Variants in PCDHGA8 observed in about 807,000 individuals in gnomAD.
The protein encoded by PCDHGA8 is protocadherin gamma-A8.
In PCDHGA8, 45 loss-of-function variants were observed where a neutral mutation model predicts 59.2. That is an observed-to-expected ratio of 0.76 (90% CI 0.60 to 0.98). The LOEUF is 0.98. PCDHGA8 is among the 50% of genes least tolerant of loss of function. The pLI is 0.00. For missense variants in PCDHGA8, 1,257 were observed against 1,196.2 expected (o/e 1.05, Z -0.75); for synonymous variants, 531 against 519.0 (o/e 1.02, Z -0.32).
chr5:141,490,098 T>C lies in PCDHGA8; in HGVS notation c.2425-4709T>C, dbSNP rs774132407. On this transcript the variant is annotated intron_variant, in intron 1 of 3. Transcript: ENST00000398604. The surrounding 1 kb of genome is among the most constrained non-coding windows in gnomAD (Gnocchi z 5.4). ...ACTATTCTTTTGGAGACCACACATCTGAGGCAGTGCGGAACCTCTTTGGCC... is the reference window on the plus strand; with the variant it reads ...ACTATTCTTTTGGAGACCACACATCCGAGGCAGTGCGGAACCTCTTTGGCC... The C allele has an allele frequency of 6.2e-7, 1 of 1,614,260 alleles. No homozygotes were observed. The highest frequency in any genetic ancestry group is 8.5e-7 in the Non-Finnish European group (1 of 1,180,038).
At chr5:141,483,076 C>A (rs964178941) in intron 1 of PCDHGA8, among the ~76,000 whole-genome samples, 8 of 152,044 alleles carry the variant, frequency 5.3e-5, no homozygotes, top group Non-Finnish European at 8.8e-5. Context: ...CAGAGAGAGA[C>A]TCCATCTCAA....
Position 141,490,446 on chromosome 5 carries a change from C to T in PCDHGA8, c.2425-4361C>T, listed in dbSNP as rs779502898. 2.5e-6 allele frequency: 4 copies of T among 1,614,196 alleles called. No homozygotes were observed. The highest frequency in any genetic ancestry group is 3.4e-6 in the Non-Finnish European group (4 of 1,180,016). ...CATTTCAGATTAAGCCTTCTGAGAA[C>T]CACTACTCGCTGCTAACCAGCCAGC... On this transcript the variant is annotated intron_variant, in intron 1 of 3. Coordinates refer to ENST00000398604, the MANE Select transcript of PCDHGA8 (RefSeq NM_032088.2). The surrounding 1 kb of genome is among the most constrained non-coding windows in gnomAD (Gnocchi z 5.4).
intron 1 of PCDHGA8, chr5:141,478,642 T>C (rs777741719): frequency 6.4e-7 from 1 of 1,552,350 alleles, no homozygotes; most frequent in Non-Finnish European, 8.7e-7. Context: ...GTGATGAAGA[T>C]GTTTTCCTGG....
At chr5:141,433,181 G>T (rs199507607) in intron 1 of PCDHGA8, 45 of 1,607,620 alleles carry the variant, frequency 2.8e-5, no homozygotes, top group Non-Finnish European at 3.4e-5. Context: ...TGGGTTAATT[G>T]AGGTGAGTTT....
intron 1 of PCDHGA8, among the ~76,000 whole-genome samples, chr5:141,467,087 C>T (rs1159093881): frequency 3.4e-5 from 5 of 147,240 alleles, no homozygotes; most frequent in African/African-American, 1.3e-4. Context: ...AAGTCTCACT[C>T]TGTCACACAG....
At chr5:141,499,828 A>G (rs921957227) in intron 2 of PCDHGA8, among the ~76,000 whole-genome samples, 1 of 151,834 alleles carries the variant, frequency 6.6e-6, no homozygotes, top group Non-Finnish European at 1.5e-5. Context: ...CTAGGATTAC[A>G]GGTGTGCACC....
intron 3 of PCDHGA8, among the ~76,000 whole-genome samples, chr5:141,509,419 T>C (rs2154594533): frequency 6.6e-6 from 1 of 152,216 alleles, no homozygotes; most frequent in South Asian, 2.1e-4. Flanking sequence ...CGAGCCCCAA[T>C]GAGTCAAACT....
rs141605264 is a variant in PCDHGA8, at chr5:141,479,755, A to C, written c.2425-15052A>C. The C allele has an allele frequency of 2.6e-3, 390 of 152,364 alleles. 2 individuals are homozygous for C. The highest frequency in any genetic ancestry group is 9.1e-3 in the African/African-American group (378 of 41,580). 9.4% of individuals were successfully genotyped at this position (152,364 alleles called of 1,614,324 possible). On this transcript the variant is annotated intron_variant, in intron 1 of 3. Coordinates refer to ENST00000398604, the MANE Select transcript of PCDHGA8 (RefSeq NM_032088.2). ...AGTATATGCACAATGTGAAAGGTAG[A>C]TAAATTCATATCCTTAGACAGGTAA...
At chr5:141,410,516 C>T in intron 1 of PCDHGA8, 2 of 1,613,910 alleles carry the variant, frequency 1.2e-6, no homozygotes, top group Middle Eastern at 1.6e-4. Context: ...ATGCAGTGTG[C>T]CCCTACATTC....
intron 1 of PCDHGA8, among the ~76,000 whole-genome samples, chr5:141,397,628 A>T (rs2093548217): frequency 6.6e-6 from 1 of 152,242 alleles, no homozygotes; most frequent in Non-Finnish European, 1.5e-5. Flanking sequence ...AGTTCTAGCT[A>T]AGAGTTCAAG....
chr5:141,430,750 G>A (rs746434313), intron 1 of PCDHGA8: 2 of 1,500,586 alleles, frequency 1.3e-6, no homozygotes, highest in Non-Finnish European at 1.8e-6. Context: ...AATTCTGGAG[G>A]AAGATAAGAA....
At chr5:141,502,724 C>T (rs1288841230) in intron 2 of PCDHGA8, among the ~76,000 whole-genome samples, 2 of 152,134 alleles carry the variant, frequency 1.3e-5, no homozygotes, top group African/African-American at 4.8e-5. Context: ...GATTACAAAG[C>T]GGTGATGTTC....
chr5:141,430,090 G>T (rs2097260736), intron 1 of PCDHGA8, among the ~76,000 whole-genome samples: 1 of 152,096 alleles, frequency 6.6e-6, no homozygotes, highest in Non-Finnish European at 1.5e-5. Context: ...ATGAAAATTT[G>T]ATTTTTAAGC....
chr5:141,415,400 C>G (rs754292889), intron 1 of PCDHGA8: 3 of 1,614,110 alleles, frequency 1.9e-6, no homozygotes, highest in Non-Finnish European at 2.5e-6. Context: ...GTGTCCGGCT[C>G]GCACTTTGTG....
intron 1 of PCDHGA8, among the ~76,000 whole-genome samples, chr5:141,445,814 T>C (rs1554133709): frequency 6.6e-6 from 1 of 152,182 alleles, no homozygotes; most frequent in Non-Finnish European, 1.5e-5. Context: ...TAGATGAAAC[T>C]AATAAGGCAG....
chr5:141,509,132 G>A (rs1261849657), intron 3 of PCDHGA8, among the ~76,000 whole-genome samples: 1 of 152,150 alleles, frequency 6.6e-6, no homozygotes, highest in Admixed American at 6.5e-5. Flanking sequence ...GAGAAAAACC[G>A]AGGCGCATCC....
At chr5:141,421,966 G>A in intron 1 of PCDHGA8, 1 of 1,610,918 alleles carries the variant, frequency 6.2e-7, no homozygotes, top group Non-Finnish European at 8.5e-7. Flanking sequence ...TACACAGTCC[G>A]TATATCGCGT....
rs111263562 is a variant in PCDHGA8, at chr5:141,487,812, T to C, written c.2425-6995T>C. The C allele has an allele frequency of 1.1e-4, 148 of 1,408,204 alleles. 1 individual carries two copies. Among genetic ancestry groups the C allele is most frequent in the South Asian group, 1.6e-4 (12 of 73,988 alleles). The allele number at this position is 1,408,204 out of a possible 1,614,324, so 87.2% of individuals were successfully genotyped here. On this transcript the variant is annotated intron_variant, in intron 1 of 3. Coordinates refer to ENST00000398604, the MANE Select transcript of PCDHGA8 (RefSeq NM_032088.2). The surrounding 1 kb of genome is among the most constrained non-coding windows in gnomAD (Gnocchi z 5.0). ...TAACCAGAGTTGTCACAGTTTAGCA[T>C]TGGGGGCGGGTCATGCCTATATCTG...
chr5:141,431,904 T>A lies in PCDHGA8; in HGVS notation c.2424+36667T>A. On this transcript the variant is annotated intron_variant, in intron 1 of 3. Transcript: ENST00000398604. The surrounding 1 kb of genome is among the most constrained non-coding windows in gnomAD (Gnocchi z 4.8). ...CAAGATTCTGAGGAAAACGGACAGG[T>A]GATCTGTTTCATCCAAGGAAATCTG... is the stretch of plus-strand genomic sequence containing the variant. 1 of 1,613,846 alleles carries A rather than the reference T, an allele frequency of 6.2e-7. No individual in the cohort carries two copies. Among genetic ancestry groups the A allele is most frequent in the Non-Finnish European group, 8.5e-7 (1 of 1,179,708 alleles).
Sources: gnomAD v4.1 joint callset for allele counts (sites outside exome capture counted in the v4.1 genomes callset) on GRCh38, gnomAD v4.1.1 for gene constraint, Gnocchi (gnomAD v3.1) non-coding constraint, MANE v1.5 for transcripts, NCBI Gene and HGNC (gene_info 2026-07-23, HGNC 2026-07-21) for gene names.